Variants in EEA1 observed in about 807,000 individuals in gnomAD.
The protein encoded by EEA1 is early endosome antigen 1, 162kD.
A neutral mutation model predicts 209.2 loss-of-function variants in EEA1; 111 were observed. The ratio of observed to expected loss-of-function variants is 0.53; its 90% CI spans 0.45 to 0.62. The LOEUF is 0.62. Among genes scored for constraint, EEA1 ranks in the 20% least tolerant of loss-of-function variants. The pLI, the probability that EEA1 is intolerant of heterozygous loss-of-function variation, is 0.00. For synonymous variants in EEA1, 536 were observed against 540.6 expected, an observed-to-expected ratio of 0.99 and a Z score of 0.12; for missense variants, 1,343 against 1,530.8, an observed-to-expected ratio of 0.88 and a Z score of 2.05.
chr12:92,881,733 G>C (rs1879153402), intron 2 of EEA1, among the ~76,000 whole-genome samples: 1 of 152,282 alleles, frequency 6.6e-6, no homozygotes, highest in South Asian at 2.1e-4. Context: ...AATAAACAAA[G>C]ACATTTACTT....
intron 2 of EEA1, among the ~76,000 whole-genome samples, chr12:92,885,574 T>C (rs1273865491): frequency 1.3e-5 from 2 of 152,222 alleles, no homozygotes; most frequent in Non-Finnish European, 2.9e-5. Context: ...TTGTATAATC[T>C]GAAGAATTTC....
At chr12:92,874,956 C>G (rs1878817474) in intron 2 of EEA1, among the ~76,000 whole-genome samples, 1 of 151,942 alleles carries the variant, frequency 6.6e-6, no homozygotes, top group Non-Finnish European at 1.5e-5. Flanking sequence ...AAAATGTAAC[C>G]CACAAATAGG....
intron 13 of EEA1, among the ~76,000 whole-genome samples, chr12:92,820,774 T>TAC (rs879743224): frequency 4.7e-4 from 29 of 61,908 alleles, no homozygotes; most frequent in African/African-American, 1.2e-3. Flanking sequence ...TATATATATA[T>TAC]ACACACACAC....
At chr12:92,880,069 T>C (rs903591368) in intron 2 of EEA1, among the ~76,000 whole-genome samples, 1 of 152,248 alleles carries the variant, frequency 6.6e-6, no homozygotes. Flanking sequence ...GTAATCTACA[T>C]GTAGCCATGC....
intron 22 of EEA1, among the ~76,000 whole-genome samples, chr12:92,784,915 T>C (rs1170395312): frequency 6.6e-6 from 1 of 151,922 alleles, no homozygotes; most frequent in East Asian, 1.9e-4. Context: ...AATACCAACC[T>C]TGACCCTGAT....
intron 5 of EEA1, among the ~76,000 whole-genome samples, chr12:92,854,838 C>T (rs1489774567): frequency 6.6e-6 from 1 of 152,222 alleles, no homozygotes; most frequent in African/African-American, 2.4e-5. Context: ...TTCACAAAAG[C>T]CTGCTTCCAT....
chr12:92,781,870 T>C (rs1378536395), intron 23 of EEA1, 80 bp downstream of exon 23: 2 of 1,323,332 alleles, frequency 1.5e-6, no homozygotes, highest in East Asian at 2.4e-5. Context: ...ATGCCTGTAC[T>C]AAATAAGAGG....
chr12:92,825,407 T>G, intron 13 of EEA1, among the ~76,000 whole-genome samples: 1 of 149,462 alleles, frequency 6.7e-6, no homozygotes, highest in East Asian at 1.9e-4. Context: ...TGAGCCGAGA[T>G]AGCGCCACTG....
chr12:92,776,899 T>C lies in EEA1; in HGVS notation c.4058A>G (p.Asn1353Ser), dbSNP rs1412227820. ...QALNRKWAEDNEVQNCMACGK... is the reference protein window; with the variant it reads ...QALNRKWAEDSEVQNCMACGK... Reference sequence around the variant, plus strand: ...ACAGGCCATACAGTTTTGTACTTCATTGTCTTCGGCCCACTTTCTATTCAA... The same window carrying C: ...ACAGGCCATACAGTTTTGTACTTCACTGTCTTCGGCCCACTTTCTATTCAA... Residue 1353 changes from asparagine (N) to serine (S), a missense_variant, in exon 28 of 29, where the codon AAT becomes AGT. Coordinates refer to ENST00000322349, the MANE Select transcript of EEA1 (RefSeq NM_003566.4). The C allele has an allele frequency of 1.9e-6, 3 of 1,612,114 alleles. No individual in the cohort carries two copies. Among genetic ancestry groups the C allele is most frequent in the Non-Finnish European group, 2.5e-6 (3 of 1,178,546 alleles).
At chr12:92,846,124 T>C (rs531585907) in intron 9 of EEA1, among the ~76,000 whole-genome samples, 1 of 152,338 alleles carries the variant, frequency 6.6e-6, no homozygotes, top group Admixed American at 6.5e-5. Context: ...GTTGAAGCTA[T>C]GCATGATTAG....
chr12:92,902,015 G>A (rs1880164054), intron 1 of EEA1, among the ~76,000 whole-genome samples: 1 of 152,084 alleles, frequency 6.6e-6, no homozygotes, highest in Non-Finnish European at 1.5e-5. Context: ...GAATGGGATT[G>A]GAATGATTTA....
chr12:92,863,020 A>G (rs777077059), intron 3 of EEA1, among the ~76,000 whole-genome samples: 2 of 152,266 alleles, frequency 1.3e-5, no homozygotes, highest in Non-Finnish European at 2.9e-5. Context: ...TCTAGGTTGG[A>G]GATATGGTTT....
intron 21 of EEA1, among the ~76,000 whole-genome samples, chr12:92,788,987 T>C (rs1453083952): frequency 6.6e-6 from 1 of 152,082 alleles, no homozygotes; most frequent in Non-Finnish European, 1.5e-5. Context: ...CCATACACTC[T>C]CTCTTTAGAA....
At chr12:92,860,457 A>G (rs1226946589) in intron 3 of EEA1, among the ~76,000 whole-genome samples, 1 of 152,106 alleles carries the variant, frequency 6.6e-6, no homozygotes, top group Non-Finnish European at 1.5e-5. Context: ...ATACTTGAAC[A>G]TTTTCTAATT....
Position 92,852,225 on chromosome 12 carries a change from C to G in EEA1, c.592G>C (p.Glu198Gln), listed in dbSNP as rs776135009. ...AAEQKVTRLT[E>Q]ELNKEATVIQ... Reference sequence around the variant, plus strand: ...ACAGTTGCCTCTTTGTTTAATTCTTCTGTCAGACGTGTCACTTTTTGTTCA... The same window carrying G: ...ACAGTTGCCTCTTTGTTTAATTCTTGTGTCAGACGTGTCACTTTTTGTTCA... Residue 198 changes from glutamate (E) to glutamine (Q), a missense_variant, in exon 8 of 29, where the codon GAA (glutamate) becomes CAA (glutamine). Glu to Gln is a conservative substitution (Grantham distance 29). This residue lies in a region of EEA1 where 1,307 missense variants were observed against 1,465.5 expected (regional missense o/e 0.89). Coordinates refer to ENST00000322349, the MANE Select transcript of EEA1 (RefSeq NM_003566.4). 13 of 1,599,262 alleles carry G rather than the reference C, an allele frequency of 8.1e-6. No individual in the cohort carries two copies. The highest frequency in any genetic ancestry group is 9.4e-6 in the Non-Finnish European group (11 of 1,173,560).
chr12:92,845,166 A>G (rs1877337515), intron 9 of EEA1, among the ~76,000 whole-genome samples: 1 of 152,140 alleles, frequency 6.6e-6, no homozygotes, highest in Non-Finnish European at 1.5e-5. Flanking sequence ...TAAAATTTTT[A>G]TATAGATAAA....
At position 92,891,720 on chromosome 12, in the gene EEA1, G is replaced by A. The variant is rs1318042581; in HGVS notation, c.26C>T (p.Thr9Ile). 2 of 1,606,372 alleles carry A rather than the reference G, an allele frequency of 1.2e-6. No homozygotes were observed. Among genetic ancestry groups the A allele is most frequent in the Admixed American group, 1.7e-5 (1 of 59,312 alleles). Residue 9 changes from threonine to isoleucine, a missense_variant and splice_region_variant, in exon 2 of 29, where the codon ACT (threonine) becomes ATT (isoleucine). Physicochemically the swap from Thr to Ile is moderately conservative, Grantham distance 89 (BLOSUM62 -1). Coordinates refer to ENST00000322349, the MANE Select transcript of EEA1 (RefSeq NM_003566.4). MLRRILQR[T>I]PGRVGSQGSD... ...ACCTTGAGAGCCAACTCTCCCAGGA[G>A]TCTGGAACACAAACAGTAGGGAGGA...
chr12:92,812,032 A>T (rs1021011569), intron 16 of EEA1, among the ~76,000 whole-genome samples: 25 of 152,224 alleles, frequency 1.6e-4, no homozygotes, highest in African/African-American at 5.3e-4. Flanking sequence ...ATTGTTTTTT[A>T]AAAAATGGAC....
At chr12:92,823,031 CTAAG>C (rs1006476597) in intron 13 of EEA1, among the ~76,000 whole-genome samples, 4 of 152,130 alleles carry the variant, frequency 2.6e-5, no homozygotes, top group Non-Finnish European at 4.4e-5. Context: ...ATTTTACCTC[CTAAG>C]TATTTCTCAC....
Sources: allele counts gnomAD v4.1 joint callset (sites outside exome capture counted in the v4.1 genomes callset), GRCh38; gene constraint gnomAD v4.1.1; regional missense constraint gnomAD v4.1.1; transcripts MANE v1.5; gene names NCBI Gene and HGNC (gene_info 2026-07-23, HGNC 2026-07-21).